PAX7: variants seen among roughly 807,000 people sequenced by gnomAD.
The protein encoded by PAX7 is paired box 7.
Under a neutral mutation model 50.7 loss-of-function variants are expected in PAX7, and 18 were observed. The observed-to-expected ratio is 0.36, with a 90% CI of 0.25 to 0.53. The LOEUF (loss-of-function observed/expected upper bound fraction) is 0.53, where lower values mean the gene tolerates loss of function less well. Ranked by LOEUF, PAX7 falls within the 20% of genes least tolerant of loss-of-function variation. The probability of loss-of-function intolerance (pLI) is 0.93; values close to 1 mark genes in which losing one functional copy is unlikely to be tolerated. For synonymous variants in PAX7, 310 were observed against 290.4 expected (o/e 1.07, Z -0.69); for missense variants, 644 against 702.9 (o/e 0.92, Z 0.95).
At chr1:18,676,340 G>T (rs537092768) in intron 4 of PAX7, among the ~76,000 whole-genome samples, 1 of 152,088 alleles carries the variant, frequency 6.6e-6, no homozygotes, top group South Asian at 2.1e-4. Flanking sequence ...GCCAGCTGGA[G>T]AGGGCTGGGT....
intron 4 of PAX7, among the ~76,000 whole-genome samples, chr1:18,646,181 G>T (rs564104752): frequency 6.6e-6 from 1 of 152,340 alleles, no homozygotes; most frequent in East Asian, 1.9e-4. Context: ...TCCGGGATTT[G>T]TCGGAGGTCC....
At chr1:18,688,892 C>T (rs530526545) in intron 4 of PAX7, among the ~76,000 whole-genome samples, 49 of 152,122 alleles carry the variant, frequency 3.2e-4, no homozygotes, top group Non-Finnish European at 5.4e-4. Flanking sequence ...CTAGCCTGGG[C>T]GACAGAACAA....
rs1019248068 is a variant in PAX7 at position 18,632,641 on chromosome 1, G to A, written c.85+953G>A. Among the ~76,000 whole-genome samples, 2 of 118,586 alleles carry A rather than the reference G, an allele frequency of 1.7e-5. No individual in the cohort carries two copies. The highest frequency in any genetic ancestry group is 5.2e-4 in the South Asian group (2 of 3,874). The allele number at this position is 118,586 out of a possible 152,430, so 77.8% of individuals were successfully genotyped here. ...CAGAGAAGTCATTAGAAATATGTGC[G>A]ACTTTTTTTTTTTAAATTACTCTTC... On this transcript the variant is annotated intron_variant, in intron 1 of 8. Transcript: ENST00000420770. This position sits in a 1 kb window ranked among gnomAD's most constrained non-coding sequence, Gnocchi z 6.3.
chr1:18,655,902 A>G (rs1181634997), intron 4 of PAX7, among the ~76,000 whole-genome samples: 1 of 151,444 alleles, frequency 6.6e-6, no homozygotes, highest in Non-Finnish European at 1.5e-5. Flanking sequence ...TTGTTCATCT[A>G]CTTCCTTCCT....
At chr1:18,678,408 A>AG (rs1034348202) in intron 4 of PAX7, among the ~76,000 whole-genome samples, 1 of 152,144 alleles carries the variant, frequency 6.6e-6, no homozygotes, top group African/African-American at 2.4e-5. Flanking sequence ...TCAAAAATAA[A>AG]AAAAAAAGTG....
At chr1:18,640,387 G>C (rs994642353) in intron 4 of PAX7, among the ~76,000 whole-genome samples, 23 of 151,934 alleles carry the variant, frequency 1.5e-4, no homozygotes, top group African/African-American at 4.8e-4. Flanking sequence ...TAGGGGAAGG[G>C]GGGCACGGCT....
intron 7 of PAX7, among the ~76,000 whole-genome samples, chr1:18,733,940 C>A (rs2089678936): frequency 6.6e-6 from 1 of 152,136 alleles, no homozygotes; most frequent in Admixed American, 6.5e-5. Flanking sequence ...CTTTGCCCCA[C>A]AAATCTCTGT....
In PAX7 at chr1:18,700,976, T is replaced by C. The variant is rs983964231; in HGVS notation, c.952+158T>C. ...AGATGCAATCCTGCCCTTGAAATTCTTGGCCCTGACACAGAGCAGCCAGGT... is the reference window on the plus strand; with the variant it reads ...AGATGCAATCCTGCCCTTGAAATTCCTGGCCCTGACACAGAGCAGCCAGGT... On this transcript the variant is annotated intron_variant, in intron 6 of 8. Coordinates refer to ENST00000420770, the MANE Select transcript of PAX7 (RefSeq NM_001135254.2). The surrounding 1 kb of genome is among the most constrained non-coding windows in gnomAD (Gnocchi z 4.8). Among the ~76,000 whole-genome samples the C allele has an allele frequency of 6.6e-6, 1 of 152,238 alleles. No individual in the cohort carries two copies. The highest frequency in any genetic ancestry group is 1.5e-5 in the Non-Finnish European group (1 of 68,044).
At chr1:18,709,072 G>T (rs2100340819) in intron 7 of PAX7, among the ~76,000 whole-genome samples, 1 of 152,266 alleles carries the variant, frequency 6.6e-6, no homozygotes, top group East Asian at 1.9e-4. Flanking sequence ...TGCCAGGTGG[G>T]GCTGGGAGGT....
At chr1:18,639,037 G>A (rs1023187757) in intron 4 of PAX7, among the ~76,000 whole-genome samples, 2 of 152,162 alleles carry the variant, frequency 1.3e-5, no homozygotes, top group South Asian at 2.1e-4. Flanking sequence ...CTCATGGCAG[G>A]GAGCCACCAA....
intron 7 of PAX7, among the ~76,000 whole-genome samples, chr1:18,721,329 C>A (rs914280069): frequency 9.2e-5 from 14 of 152,152 alleles, no homozygotes; most frequent in Admixed American, 3.9e-4. Flanking sequence ...TTAATGTCCC[C>A]ACCCCCAAGG....
At chr1:18,740,005 C>T (rs1027161862) in intron 8 of PAX7, among the ~76,000 whole-genome samples, 2 of 152,156 alleles carry the variant, frequency 1.3e-5, no homozygotes, top group African/African-American at 2.4e-5. Flanking sequence ...GCTGACGAGG[C>T]GCTGACGGCT....
intron 4 of PAX7, among the ~76,000 whole-genome samples, chr1:18,678,328 G>A (rs1313965003): frequency 6.6e-6 from 1 of 152,140 alleles, no homozygotes; most frequent in Admixed American, 6.5e-5. Context: ...GAACCCAGGA[G>A]GCGGAGGTTG....
In PAX7 at chr1:18,634,224, G is replaced by T; in HGVS notation, c.86-79G>T. The T allele has an allele frequency of 8.5e-7, 1 of 1,170,562 alleles. No homozygotes were observed. The highest frequency in any genetic ancestry group is 1.2e-6 in the Non-Finnish European group (1 of 816,606). The allele number at this position is 1,170,562 out of a possible 1,614,324, so 72.5% of individuals were successfully genotyped here. On this transcript the variant is annotated intron_variant, in intron 1 of 8. Coordinates refer to ENST00000420770, the MANE Select transcript of PAX7 (RefSeq NM_001135254.2). This position sits in a 1 kb window ranked among gnomAD's most constrained non-coding sequence, Gnocchi z 4.0. Reference sequence around the variant, plus strand: ...TGGGGCTCAAACAAACAAAACTGGAGTCAGGGAGTGTACTCAGTGTCTGCT... The same window carrying T: ...TGGGGCTCAAACAAACAAAACTGGATTCAGGGAGTGTACTCAGTGTCTGCT...
At chr1:18,707,504 C>T (rs1427668949) in intron 7 of PAX7, among the ~76,000 whole-genome samples, 1 of 144,226 alleles carries the variant, frequency 6.9e-6, no homozygotes, top group African/African-American at 2.6e-5. Context: ...ATTGCAACCT[C>T]TGCCTCCTCC....
chr1:18,743,479 C>T (rs949653445), intron 8 of PAX7, among the ~76,000 whole-genome samples: 10 of 152,236 alleles, frequency 6.6e-5, no homozygotes, highest in Non-Finnish European at 1.5e-4. Context: ...TACAGCGTCC[C>T]CTGTGGTCAG....
At position 18,748,667 on chromosome 1, in the gene PAX7, G is replaced by A. The variant is rs1025497142; in HGVS notation, c.*3738G>A. 1 of 232,206 alleles carries A rather than the reference G, an allele frequency of 4.3e-6. No individual in the cohort carries two copies. 14.4% of individuals were successfully genotyped at this position (232,206 alleles called of 1,614,324 possible). A position where few individuals can be genotyped will look rare whatever the true frequency, so the allele number is the denominator to read the frequency against. On this transcript the variant is annotated 3_prime_UTR_variant, in exon 9 of 9. Transcript: ENST00000420770. Reference sequence around the variant, plus strand: ...CCCATGCGGAAGTGAGTGGGTGTACGTGAGGGTGTGAGTGGGGTGTGTGCG... The same window carrying A: ...CCCATGCGGAAGTGAGTGGGTGTACATGAGGGTGTGAGTGGGGTGTGTGCG...
chr1:18,644,573 C>T (rs954367970), intron 4 of PAX7, among the ~76,000 whole-genome samples: 2 of 152,050 alleles, frequency 1.3e-5, no homozygotes, highest in Non-Finnish European at 2.9e-5. Context: ...AGAGGCCACA[C>T]CCCATTCAGA....
chr1:18,685,682 G>GCTTCACCA (rs1293445272), intron 4 of PAX7, among the ~76,000 whole-genome samples: 5 of 152,376 alleles, frequency 3.3e-5, no homozygotes, highest in Non-Finnish European at 7.3e-5. Flanking sequence ...GAAGCCATGA[G>GCTTCACCA]TGGCTGGACA....
Sources: allele counts gnomAD v4.1 joint callset (sites outside exome capture counted in the v4.1 genomes callset), GRCh38; gene constraint gnomAD v4.1.1; non-coding constraint Gnocchi (gnomAD v3.1); transcripts MANE v1.5; gene names NCBI Gene and HGNC (gene_info 2026-07-23, HGNC 2026-07-21).